Variants in EXOC6 observed in about 807,000 individuals in gnomAD.
EXOC6 encodes the protein SEC15-like 1.
Under a neutral mutation model 112.5 loss-of-function variants are expected in EXOC6, and 60 were observed. That is an observed-to-expected ratio of 0.53 (90% CI 0.43 to 0.66). The LOEUF (loss-of-function observed/expected upper bound fraction) is 0.66, where lower values mean the gene tolerates loss of function less well. EXOC6 is among the 30% of genes least tolerant of loss of function. The pLI is 0.00. For missense variants in EXOC6, 855 were observed against 957.1 expected, an observed-to-expected ratio of 0.89 and a Z score of 1.41; for synonymous variants, 295 against 308.0, an observed-to-expected ratio of 0.96 and a Z score of 0.44.
intron 1 of EXOC6, among the ~76,000 whole-genome samples, chr10:92,865,558 C>G (rs1848134525): frequency 6.6e-6 from 1 of 151,974 alleles, no homozygotes; most frequent in African/African-American, 2.4e-5. Flanking sequence ...TCTCTCGCCT[C>G]AGCCTCCTGA....
At chr10:92,842,738 G>A (rs1846903583) in intron 1 of EXOC6, among the ~76,000 whole-genome samples, 1 of 151,990 alleles carries the variant, frequency 6.6e-6, no homozygotes, top group South Asian at 2.1e-4. Context: ...TTATTTGAAG[G>A]AAAGAGAGAA....
chr10:93,016,816 C>CTT, intron 20 of EXOC6, among the ~76,000 whole-genome samples: 1 of 142,814 alleles, frequency 7.0e-6, no homozygotes, highest in Non-Finnish European at 1.5e-5. Flanking sequence ...TGGCTATTTT[C>CTT]TTTTTTTTTT....
At chr10:92,942,696 C>T (rs1206134969) in intron 13 of EXOC6, among the ~76,000 whole-genome samples, 1 of 151,988 alleles carries the variant, frequency 6.6e-6, no homozygotes, top group Admixed American at 6.6e-5. Flanking sequence ...GTTATAAAAT[C>T]TTATAGACTT....
In EXOC6 at chr10:92,997,522, A is replaced by G. The variant is rs199755906; in HGVS notation, c.2002A>G (p.Thr668Ala). ...CATGTCAGCCTGCCAGCATCTGTCA[A>G]CATCCTTAATGCAGATGCTACTGGA... ...ACMSACQHLSTSLMQMLLDSE... is the reference protein window; with the variant it reads ...ACMSACQHLSASLMQMLLDSE... Residue 668 changes from threonine to alanine, a missense_variant, in exon 19 of 22, where the codon ACA becomes GCA. Transcript: ENST00000260762. The G allele has an allele frequency of 4.7e-5, 76 of 1,613,012 alleles. No individual in the cohort carries two copies. Among genetic ancestry groups the G allele is most frequent in the Non-Finnish European group, 6.1e-5 (72 of 1,179,384 alleles).
chr10:93,030,472 TA>T (rs1324880747), intron 20 of EXOC6, among the ~76,000 whole-genome samples: 1 of 152,230 alleles, frequency 6.6e-6, no homozygotes, highest in Non-Finnish European at 1.5e-5. Flanking sequence ...TTAGATGCAG[TA>T]AACCAGTCAG....
At chr10:92,847,747 G>A (rs1270109332), upstream of EXOC6, among the ~76,000 whole-genome samples, 1 of 150,802 alleles carries the variant, frequency 6.6e-6, no homozygotes, top group Admixed American at 6.6e-5. Flanking sequence ...CCCCTTTCAA[G>A]AGCTCTCACC....
chr10:93,041,028 G>A (rs1297916988), intron 20 of EXOC6, among the ~76,000 whole-genome samples: 1 of 152,138 alleles, frequency 6.6e-6, no homozygotes, highest in African/African-American at 2.4e-5. Flanking sequence ...ATTTGACTTA[G>A]GTGTGTGTCC....
intron 17 of EXOC6, among the ~76,000 whole-genome samples, chr10:92,961,045 G>A (rs1478840534): frequency 2.6e-5 from 4 of 152,104 alleles, no homozygotes; most frequent in Admixed American, 6.6e-5. Context: ...TTAATTTTTA[G>A]TAGTAAAGAT....
At chr10:93,057,841 C>A (rs986278786) in intron 21 of EXOC6, among the ~76,000 whole-genome samples, 3 of 152,010 alleles carry the variant, frequency 2.0e-5, no homozygotes, top group Non-Finnish European at 2.9e-5. Context: ...GCAAAAACAT[C>A]GCTATTTTAC....
chr10:92,904,598 C>T (rs919213255), intron 5 of EXOC6, among the ~76,000 whole-genome samples: 2 of 152,012 alleles, frequency 1.3e-5, no homozygotes, highest in African/African-American at 2.4e-5. Context: ...AGCGAGGTGT[C>T]CAAGTCTTTT....
At chr10:92,892,186 T>G (rs1384289898) in intron 1 of EXOC6, among the ~76,000 whole-genome samples, 1 of 151,992 alleles carries the variant, frequency 6.6e-6, no homozygotes, top group African/African-American at 2.4e-5. Context: ...GTTGTTACAC[T>G]CATAGTTACT....
chr10:93,015,110 T>A (rs543696190), intron 20 of EXOC6, among the ~76,000 whole-genome samples: 1 of 152,178 alleles, frequency 6.6e-6, no homozygotes, highest in East Asian at 1.9e-4. Flanking sequence ...GAGATTGAAT[T>A]AAAACAAAGC....
intron 1 of EXOC6, among the ~76,000 whole-genome samples, chr10:92,842,731 T>C (rs1167964804): frequency 1.3e-5 from 2 of 151,836 alleles, no homozygotes; most frequent in African/African-American, 4.8e-5. Flanking sequence ...GGGTGTGTTA[T>C]TTGAAGGAAA....
chr10:92,966,293 T>TA (rs1842048685), intron 17 of EXOC6, among the ~76,000 whole-genome samples: 2 of 144,566 alleles, frequency 1.4e-5, no homozygotes, highest in African/African-American at 5.2e-5. Flanking sequence ...TTATTATTAT[T>TA]ATTATTATTA....
At chr10:93,036,096 T>C (rs1037305280) in intron 20 of EXOC6, among the ~76,000 whole-genome samples, 6 of 151,812 alleles carry the variant, frequency 4.0e-5, no homozygotes, top group Non-Finnish European at 8.8e-5. Context: ...CGCATGCCTG[T>C]AATGTCAGCT....
At chr10:92,958,983 A>C (rs1456861120) in intron 17 of EXOC6, among the ~76,000 whole-genome samples, 1 of 152,036 alleles carries the variant, frequency 6.6e-6, no homozygotes. Flanking sequence ...AATCCCAGCT[A>C]CTCGGGAGGC....
At chr10:92,974,991 G>T (rs546507570) in intron 18 of EXOC6, among the ~76,000 whole-genome samples, 1 of 151,940 alleles carries the variant, frequency 6.6e-6, no homozygotes, top group African/African-American at 2.4e-5. Context: ...CCGCCACCCC[G>T]TCTGGGAAGT....
intron 19 of EXOC6, among the ~76,000 whole-genome samples, chr10:93,000,316 A>T (rs1230325414): frequency 6.6e-6 from 1 of 152,144 alleles, no homozygotes; most frequent in Non-Finnish European, 1.5e-5. Context: ...TTACCTCTCT[A>T]GCCTATTGAC....
Position 92,934,416 on chromosome 10 carries a change from C to A in EXOC6, c.1126C>A (p.Leu376Ile). The A allele has an allele frequency of 6.3e-7, 1 of 1,577,028 alleles. No homozygotes were observed. The highest frequency in any genetic ancestry group is 1.2e-5 in the South Asian group (1 of 84,272). Residue 376 changes from leucine (L) to isoleucine (I), a missense_variant, in exon 11 of 22, where the codon CTT becomes ATT. Leu to Ile is a conservative substitution (Grantham distance 5). This residue lies in a region of EXOC6 where 450 missense variants were observed against 563.5 expected (regional missense o/e 0.80). Transcript: ENST00000260762. ...GGCCCTCTCAAAGATAATTGCTGTC[C>A]TTAGAGCTCATTCAGTAAGTCAGAC... ...NMALSKIIAVLRAHSSYCTDP... is the reference protein window; with the variant it reads ...NMALSKIIAVIRAHSSYCTDP...
Sources: allele counts gnomAD v4.1 joint callset (sites outside exome capture counted in the v4.1 genomes callset), GRCh38; gene constraint gnomAD v4.1.1; regional missense constraint gnomAD v4.1.1; transcripts MANE v1.5; gene names NCBI Gene and HGNC (gene_info 2026-07-23, HGNC 2026-07-21).